ROR1: variants seen among roughly 807,000 people sequenced by gnomAD.
ROR1 encodes inactive tyrosine-protein kinase transmembrane receptor ROR1.
A neutral mutation model predicts 78.8 loss-of-function variants in ROR1; 19 were observed. That is an observed-to-expected ratio of 0.24 (90% CI 0.17 to 0.35). ROR1 has a LOEUF of 0.35. ROR1 is among the 10% of genes least tolerant of loss of function. The pLI is 1.00. For synonymous variants in ROR1, 386 were observed against 433.6 expected (o/e 0.89, Z 1.36); for missense variants, 917 against 1,177.8 (o/e 0.78, Z 3.24).
At chr1:63,933,869 G>A (rs1416784687) in intron 1 of ROR1, among the ~76,000 whole-genome samples, 5 of 152,184 alleles carry the variant, frequency 3.3e-5, no homozygotes, top group Non-Finnish European at 5.9e-5. Flanking sequence ...ACAAGACCCA[G>A]AGCAAGTTCC....
intron 7 of ROR1, among the ~76,000 whole-genome samples, chr1:64,145,014 G>T (rs1649437187): frequency 6.6e-6 from 1 of 152,060 alleles, no homozygotes; most frequent in South Asian, 2.1e-4. Flanking sequence ...TAAATTAGTT[G>T]TTAACTGAAA....
At position 63,892,093 on chromosome 1, in the gene ROR1, A is replaced by G. The variant is rs573853815; in HGVS notation, c.92-117212A>G. 3.2e-3 allele frequency among the ~76,000 whole-genome samples: 488 copies of G among 152,320 alleles called. 3 individuals are homozygous for G. The highest frequency in any genetic ancestry group is 5.4e-3 in the Non-Finnish European group (365 of 68,038). ...TTTTATTCACTTCTACTTTAATTCA[A>G]TAAGCATTCATTAATTCACTTCTAA... On this transcript the variant is annotated intron_variant, in intron 1 of 8. Transcript: ENST00000371079.
chr1:63,861,997 A>C (rs1450972690), intron 1 of ROR1, among the ~76,000 whole-genome samples: 1 of 152,222 alleles, frequency 6.6e-6, no homozygotes, highest in Non-Finnish European at 1.5e-5. Context: ...ATTTTAATTA[A>C]GCTTAAGCAA....
rs1569679120 is a variant in ROR1 at position 63,774,543 on chromosome 1, C to T, written c.91+35C>T. The T allele has an allele frequency of 8.8e-6, 9 of 1,024,802 alleles. No individual in the cohort carries two copies. The highest frequency in any genetic ancestry group is 7.3e-5 in the East Asian group (1 of 13,648). 63.5% of individuals were successfully genotyped at this position (1,024,802 alleles called of 1,614,324 possible). A position where few individuals can be genotyped will look rare whatever the true frequency, so the allele number is the denominator to read the frequency against. ...GCCCGCCGGCCCCCGCCCGCCCAGA[C>T]CCCCTGACCCGTGGCCACCCTTCCG... On this transcript the variant is annotated intron_variant, in intron 1 of 8. Transcript: ENST00000371079. The surrounding 1 kb of genome is among the most constrained non-coding windows in gnomAD (Gnocchi z 5.7).
At chr1:64,110,197 AG>A (rs553696426) in intron 4 of ROR1, among the ~76,000 whole-genome samples, 292 of 152,352 alleles carry the variant, frequency 1.9e-3, no homozygotes, top group African/African-American at 6.6e-3. Context: ...TAATATTCAA[AG>A]CAATGAAGGC....
At chr1:63,958,168 A>T (rs548000280) in intron 1 of ROR1, among the ~76,000 whole-genome samples, 1 of 152,286 alleles carries the variant, frequency 6.6e-6, no homozygotes, top group East Asian at 1.9e-4. Context: ...ACTGACATGA[A>T]TTATTTATTA....
intron 1 of ROR1, among the ~76,000 whole-genome samples, chr1:63,934,878 A>G (rs1226035331): frequency 6.6e-6 from 1 of 152,120 alleles, no homozygotes; most frequent in Non-Finnish European, 1.5e-5. Context: ...TGTGAAGGGG[A>G]GTTAACCCAT....
rs4284286 is a variant in ROR1 at position 64,158,142 on chromosome 1, G to C, written c.1175-839G>C. On this transcript the variant is annotated intron_variant, in intron 7 of 8. Coordinates refer to ENST00000371079, the MANE Select transcript of ROR1 (RefSeq NM_005012.4). The stretch of plus-strand genomic sequence containing the variant: ...ACTGATAAAAAGACAAGTATGTCTC[G>C]TGTTCTACACATATTATATTCTTTT... Among the ~76,000 whole-genome samples, 7 of 152,090 alleles carry C rather than the reference G, an allele frequency of 4.6e-5. No individual in the cohort carries two copies. In the South Asian group the frequency reaches 1.4e-3, roughly 32 times the overall value.
At position 64,040,760 on chromosome 1, in the gene ROR1, T is replaced by C. The variant is rs950308375; in HGVS notation, c.164-8931T>C. On this transcript the variant is annotated intron_variant, in intron 2 of 8. Transcript: ENST00000371079. ...ACTAATCCCATTCGTGAAGGTACCA[T>C]CCTCATGACCTAATCACTTCCCAAG... is the stretch of plus-strand genomic sequence containing the variant. 3.3e-5 allele frequency among the ~76,000 whole-genome samples: 5 copies of C among 152,142 alleles called. 1 individual carries two copies. The highest frequency in any genetic ancestry group is 7.3e-5 in the Non-Finnish European group (5 of 68,032).
intron 1 of ROR1, among the ~76,000 whole-genome samples, chr1:63,931,396 G>A (rs910618559): frequency 2.0e-5 from 3 of 152,136 alleles, no homozygotes; most frequent in Non-Finnish European, 2.9e-5. Context: ...AAATGGGTTC[G>A]AATCCCAGCT....
intron 4 of ROR1, among the ~76,000 whole-genome samples, chr1:64,088,726 C>G (rs1315998633): frequency 6.6e-6 from 1 of 152,034 alleles, no homozygotes; most frequent in Admixed American, 6.5e-5. Flanking sequence ...AAATATGACC[C>G]TTAGTATCTG....
At chr1:64,072,851 C>T (rs865792824) in intron 4 of ROR1, among the ~76,000 whole-genome samples, 21 of 152,256 alleles carry the variant, frequency 1.4e-4, no homozygotes, top group Middle Eastern at 6.8e-3. Flanking sequence ...CAGATCCCAA[C>T]GTCTGGATTC....
rs71056017 is a variant in ROR1, at chr1:64,014,773, T to TATATATATATACACAC, written c.163+5398_163+5399insTATATATATACACACA. Among the ~76,000 whole-genome samples the TATATATATATACACAC allele has an allele frequency of 8.9e-4, 42 of 46,974 alleles. 4 individuals are homozygous for TATATATATATACACAC. In the East Asian group the frequency reaches 9.6e-3, roughly 11 times the overall value. The allele number at this position is 46,974 out of a possible 152,430, so 30.8% of individuals were successfully genotyped here. On this transcript the variant is annotated intron_variant, in intron 2 of 8. Transcript: ENST00000371079. ...ATATATATATATATATATATATATATACACATTTTGTCCTGGTTTGCCTTT... is the reference window on the plus strand; with the variant it reads ...ATATATATATATATATATATATATATATATATATATACACACACACATTTTGTCCTGGTTTGCCTTT...
chr1:63,841,688 A>G lies in ROR1; in HGVS notation c.91+67180A>G, dbSNP rs139860113. Among the ~76,000 whole-genome samples the G allele has an allele frequency of 3.9e-3, 596 of 152,342 alleles. 2 individuals are homozygous for G. The highest frequency in any genetic ancestry group is 0.014 in the African/African-American group (577 of 41,574). On this transcript the variant is annotated intron_variant, in intron 1 of 8. Transcript: ENST00000371079. The stretch of plus-strand genomic sequence containing the variant: ...CAATTTTAATTTAAATAAAGGATAC[A>G]ACTAATTCTGGATCTGTTTTTAGCC...
intron 4 of ROR1, among the ~76,000 whole-genome samples, chr1:64,051,640 G>A (rs1646833239): frequency 6.6e-6 from 1 of 151,928 alleles, no homozygotes; most frequent in Admixed American, 6.6e-5. Flanking sequence ...TTGTTGATGC[G>A]TTTGTCATTT....
chr1:63,824,360 A>T (rs1644941412), intron 1 of ROR1, among the ~76,000 whole-genome samples: 1 of 152,358 alleles, frequency 6.6e-6, no homozygotes, highest in African/African-American at 2.4e-5. Context: ...ATGAAAATTT[A>T]TATATAGAAA....
intron 1 of ROR1, among the ~76,000 whole-genome samples, chr1:63,978,381 T>C (rs1170370034): frequency 6.6e-6 from 1 of 152,236 alleles, no homozygotes; most frequent in Non-Finnish European, 1.5e-5. Flanking sequence ...CTGTGTGGTG[T>C]GGATAATTTT....
At chr1:63,843,184 A>C in intron 1 of ROR1, 1 of 1,295,002 alleles carries the variant, frequency 7.7e-7, no homozygotes, top group Non-Finnish European at 1.1e-6. Context: ...AGGTGGCCAG[A>C]ACCGGCTCAC....
chr1:63,941,885 C>T (rs1428010099), intron 1 of ROR1, among the ~76,000 whole-genome samples: 3 of 152,200 alleles, frequency 2.0e-5, no homozygotes, highest in African/African-American at 7.2e-5. Flanking sequence ...GAATAGTACT[C>T]ATGAGCCTCC....
Sources: gnomAD v4.1 joint callset for allele counts (sites outside exome capture counted in the v4.1 genomes callset) on GRCh38, gnomAD v4.1.1 for gene constraint, Gnocchi (gnomAD v3.1) non-coding constraint, MANE v1.5 for transcripts, NCBI Gene and HGNC (gene_info 2026-07-23, HGNC 2026-07-21) for gene names.